The following IL7 variants were observed in gnomAD, a reference collection of about 807,000 sequenced individuals.
IL7 encodes the protein interleukin 7.
A neutral mutation model predicts 21.6 loss-of-function variants in IL7; 3 were observed. The ratio of observed to expected loss-of-function variants is 0.14; its 90% CI spans 0.06 to 0.36. The LOEUF (loss-of-function observed/expected upper bound fraction) is 0.36. Ranked by LOEUF, IL7 falls within the 10% of genes least tolerant of loss-of-function variation. The probability of loss-of-function intolerance (pLI) is 1.00; values close to 1 mark genes in which losing one functional copy is unlikely to be tolerated. For missense variants in IL7, 175 were observed against 200.2 expected, an observed-to-expected ratio of 0.87 and a Z score of 0.76; for synonymous variants, 62 against 68.1, an observed-to-expected ratio of 0.91 and a Z score of 0.44.
intron 2 of IL7, among the ~76,000 whole-genome samples, chr8:78,770,714 C>G (rs150808144): frequency 6.6e-6 from 1 of 151,908 alleles, no homozygotes; most frequent in Non-Finnish European, 1.5e-5. Flanking sequence ...CACACGCACA[C>G]GCACACAAGT....
At chr8:78,717,394 T>C (rs1232707247), downstream of IL7, 3 of 1,613,638 alleles carry the variant, frequency 1.9e-6, no homozygotes, top group African/African-American at 2.7e-5. Context: ...GACATTCACC[T>C]GGAAACTTAC....
At chr8:78,747,038 C>T (rs1252069653) in intron 2 of IL7, 15 of 456,502 alleles carry the variant, frequency 3.3e-5, no homozygotes, top group Non-Finnish European at 6.6e-5. Context: ...CTAATTATTG[C>T]TCATAGCTGA....
intron 3 of IL7, among the ~76,000 whole-genome samples, chr8:78,691,021 T>C (rs1455455472): frequency 3.3e-5 from 5 of 152,180 alleles, no homozygotes; most frequent in Non-Finnish European, 7.4e-5. Flanking sequence ...ATGTCACCTA[T>C]AAATAAGGAC....
At chr8:78,788,384 C>G (rs1469223822) in intron 2 of IL7, among the ~76,000 whole-genome samples, 3 of 151,700 alleles carry the variant, frequency 2.0e-5, no homozygotes, top group Non-Finnish European at 2.9e-5. Context: ...CATTTAATAC[C>G]CTAAGCACTG....
intron 2 of IL7, among the ~76,000 whole-genome samples, chr8:78,752,136 G>T (rs915103277): frequency 6.6e-6 from 1 of 152,084 alleles, no homozygotes; most frequent in Non-Finnish European, 1.5e-5. Context: ...TTATTTCATT[G>T]AGTGTATATA....
At chr8:78,758,636 T>C (rs954108577) in intron 2 of IL7, among the ~76,000 whole-genome samples, 1 of 152,104 alleles carries the variant, frequency 6.6e-6, no homozygotes, top group African/African-American at 2.4e-5. Flanking sequence ...GTATTCTTCA[T>C]TGGCATTTTT....
intron 4 of IL7, among the ~76,000 whole-genome samples, chr8:78,676,576 G>A (rs978185205): frequency 3.3e-5 from 5 of 151,934 alleles, no homozygotes; most frequent in African/African-American, 1.2e-4. Flanking sequence ...ATTTTTCTGT[G>A]AATGTATATC....
At chr8:78,794,735 G>C (rs1458550713) in intron 2 of IL7, among the ~76,000 whole-genome samples, 3 of 152,030 alleles carry the variant, frequency 2.0e-5, no homozygotes, top group Admixed American at 6.6e-5. Flanking sequence ...TTTACAACCA[G>C]TCTATTTGTT....
At chr8:78,696,501 T>G (rs1476293679) in intron 3 of IL7, among the ~76,000 whole-genome samples, 1 of 152,200 alleles carries the variant, frequency 6.6e-6, no homozygotes, top group Non-Finnish European at 1.5e-5. Context: ...GGCAAGTTCA[T>G]TTCTTGCTAT....
At chr8:78,795,279 T>A (rs1813816981) in intron 2 of IL7, among the ~76,000 whole-genome samples, 1 of 152,112 alleles carries the variant, frequency 6.6e-6, no homozygotes, top group South Asian at 2.1e-4. Flanking sequence ...AGTAACTAAA[T>A]CTGCTCTACC....
intron 4 of IL7, among the ~76,000 whole-genome samples, chr8:78,677,669 AACTTTG>A (rs1412604215): frequency 3.3e-5 from 5 of 151,854 alleles, no homozygotes; most frequent in Non-Finnish European, 7.4e-5. Flanking sequence ...GCAGTGTAGT[AACTTTG>A]ACTTTGTTAC....
intron 2 of IL7, among the ~76,000 whole-genome samples, chr8:78,743,856 G>C (rs1811883310): frequency 6.6e-6 from 1 of 152,062 alleles, no homozygotes; most frequent in South Asian, 2.1e-4. Context: ...TGGTTTGCTG[G>C]GGGTCTACTC....
intron 4 of IL7, among the ~76,000 whole-genome samples, chr8:78,677,314 AAACTGAAT>A (rs981889536): frequency 6.6e-6 from 1 of 152,066 alleles, no homozygotes; most frequent in African/African-American, 2.4e-5. Context: ...TAATGTCCCT[AAACTGAAT>A]AACTGAATAA....
chr8:78,780,375 T>A (rs1813289050), intron 2 of IL7, among the ~76,000 whole-genome samples: 1 of 152,180 alleles, frequency 6.6e-6, no homozygotes, highest in Non-Finnish European at 1.5e-5. Context: ...TTTAGTTTTA[T>A]AAATTTCTCG....
intron 3 of IL7, among the ~76,000 whole-genome samples, chr8:78,698,991 CTT>C (rs1042390141): frequency 2.0e-4 from 31 of 152,230 alleles, no homozygotes; most frequent in African/African-American, 6.7e-4. Context: ...ACACTGGACT[CTT>C]TTCACGTTTT....
Position 78,771,007 on chromosome 8 carries a change from T to C in IL7, c.147+27065A>G, listed in dbSNP as rs181224036. On this transcript the variant is annotated intron_variant, in intron 2 of 5. Coordinates refer to ENST00000263851, the MANE Select transcript of IL7 (RefSeq NM_000880.4). Reference sequence around the variant, plus strand: ...CCTTGGTCTCCACAACTTGCTGTCATAGAAATGACGAACTTCATGAAATCA... The same window carrying C: ...CCTTGGTCTCCACAACTTGCTGTCACAGAAATGACGAACTTCATGAAATCA... Among the ~76,000 whole-genome samples the C allele has an allele frequency of 2.0e-4, 30 of 152,216 alleles. No homozygotes were observed. In the South Asian group the frequency reaches 3.9e-3, roughly 20 times the overall value.
chr8:78,689,478 G>A, intron 3 of IL7: 1 of 1,045,172 alleles, frequency 9.6e-7, no homozygotes, highest in Non-Finnish European at 1.3e-6. Flanking sequence ...TTTCTCACCT[G>A]CTTTTATAGA....
At chr8:78,763,142 C>T (rs1397484807) in intron 2 of IL7, among the ~76,000 whole-genome samples, 1 of 152,222 alleles carries the variant, frequency 6.6e-6, no homozygotes, top group Admixed American at 6.5e-5. Flanking sequence ...CAAGCACTGT[C>T]AGTGGTGAGT....
At position 78,795,283 on chromosome 8, in the gene IL7, C is replaced by T. The variant is rs193123764; in HGVS notation, c.147+2789G>A. Among the ~76,000 whole-genome samples the T allele has an allele frequency of 2.6e-5, 4 of 152,224 alleles. No individual in the cohort carries two copies. The East Asian group carries it at 7.7e-4, about 29-fold the overall frequency. On this transcript the variant is annotated intron_variant, in intron 2 of 5. Coordinates refer to ENST00000263851, the MANE Select transcript of IL7 (RefSeq NM_000880.4). ...CTGAATGAATGAGTAACTAAATCTG[C>T]TCTACCAGTCATGTTGACATTAATA...
Sources: allele counts gnomAD v4.1 joint callset (sites outside exome capture counted in the v4.1 genomes callset), GRCh38; gene constraint gnomAD v4.1.1; transcripts MANE v1.5; gene names NCBI Gene and HGNC (gene_info 2026-07-23, HGNC 2026-07-21).